CSMD1: variants seen among roughly 807,000 people sequenced by gnomAD.
CSMD1 encodes CUB and sushi domain-containing protein 1.
CSMD1 carries 213 observed loss-of-function variants against 417.5 expected under a neutral mutation model. That is an observed-to-expected ratio of 0.51 (90% CI 0.46 to 0.57). The LOEUF (loss-of-function observed/expected upper bound fraction) is 0.57, where lower values mean the gene tolerates loss of function less well. Ranked by LOEUF, CSMD1 falls within the 20% of genes least tolerant of loss-of-function variation. The probability of loss-of-function intolerance (pLI) is 0.00; values close to 1 mark genes in which losing one functional copy is unlikely to be tolerated. For synonymous variants in CSMD1, 2,862 were observed against 1,736.8 expected (o/e 1.65, Z -16.11); for missense variants, 6,923 against 4,529.7 (o/e 1.53, Z -15.17).
chr8:3,621,285 T>G (rs539145251), intron 7 of CSMD1, among the ~76,000 whole-genome samples: 1 of 152,004 alleles, frequency 6.6e-6, no homozygotes, highest in African/African-American at 2.4e-5. Context: ...GCAGGAGGCG[T>G]TGAATAGTAA....
At chr8:4,453,996 T>C (rs1799319533) in intron 2 of CSMD1, among the ~76,000 whole-genome samples, 1 of 151,650 alleles carries the variant, frequency 6.6e-6, no homozygotes, top group South Asian at 2.1e-4. Context: ...TAATTTTTTG[T>C]ATTTTTTAGT....
At chr8:4,134,650 T>C (rs1255674830) in intron 3 of CSMD1, among the ~76,000 whole-genome samples, 2 of 152,204 alleles carry the variant, frequency 1.3e-5, no homozygotes, top group African/African-American at 4.8e-5. Context: ...CTTTAAAATA[T>C]ATCTAGAATC....
rs183413781 is a variant in CSMD1, at chr8:4,588,734, G to A, written c.302+48608C>T. ...CGGGAGGCAGAGGTTGCAGTAAGCC[G>A]AGATTGCACCACTGCACTCCAGCCT... is the stretch of plus-strand genomic sequence containing the variant. On this transcript the variant is annotated intron_variant, in intron 2 of 69. Transcript: ENST00000635120. Among the ~76,000 whole-genome samples, 106 of 151,546 alleles carry A rather than the reference G, an allele frequency of 7.0e-4. No homozygotes were observed. In the East Asian group the frequency reaches 0.019, roughly 27 times the overall value.
At chr8:2,982,587 T>TGTA (rs1805518054) in intron 54 of CSMD1, among the ~76,000 whole-genome samples, 1 of 152,170 alleles carries the variant, frequency 6.6e-6, no homozygotes, top group South Asian at 2.1e-4. Context: ...GGGATCACTG[T>TGTA]TCCCGTGGCA....
Position 3,096,879 on chromosome 8 carries a change from T to C in CSMD1, c.7108A>G (p.Lys2370Glu). Reference sequence around the variant, plus strand: ...AACACTTCCAGTGCATCAAACTGCTTTTCACTTTGAAATGTGTCCACAAAG... The same window carrying C: ...AACACTTCCAGTGCATCAAACTGCTCTTCACTTTGAAATGTGTCCACAAAG... ...TIFVDTFQSE[K>E]QFDALEVFDG... Residue 2370 changes from lysine (K) to glutamate (E), a missense_variant, in exon 47 of 70, where the codon AAG becomes GAG. Physicochemically the swap from Lys to Glu is moderately conservative, Grantham distance 56. Transcript: ENST00000635120. The C allele has an allele frequency of 6.4e-7, 1 of 1,556,824 alleles. No individual in the cohort carries two copies. The highest frequency in any genetic ancestry group is 8.7e-7 in the Non-Finnish European group (1 of 1,149,064).
In CSMD1 at chr8:4,913,645, G is replaced by A. The variant is rs148624340; in HGVS notation, c.85+80687C>T. Among the ~76,000 whole-genome samples, 931 of 152,274 alleles carry A rather than the reference G, an allele frequency of 6.1e-3. 7 individuals are homozygous for A. The highest frequency in any genetic ancestry group is 0.021 in the African/African-American group (877 of 41,548). ...TTGCTGGACCAAGACTGAGTTCTGC[G>A]TCAACCAGATGTACTGTGCAGATTA... On this transcript the variant is annotated intron_variant, in intron 1 of 69. Transcript: ENST00000635120.
At chr8:3,261,044 C>T (rs954071814) in intron 26 of CSMD1, among the ~76,000 whole-genome samples, 1 of 152,110 alleles carries the variant, frequency 6.6e-6, no homozygotes, top group Non-Finnish European at 1.5e-5. Context: ...AGAGGAAACA[C>T]AGGTGAGAAC....
At chr8:4,191,814 C>T (rs897255711) in intron 3 of CSMD1, among the ~76,000 whole-genome samples, 2 of 150,860 alleles carry the variant, frequency 1.3e-5, no homozygotes, top group South Asian at 2.1e-4. Context: ...CATCTCCTAT[C>T]GAATGATTTA....
chr8:4,294,095 T>A (rs957306371), intron 3 of CSMD1, among the ~76,000 whole-genome samples: 5 of 152,152 alleles, frequency 3.3e-5, no homozygotes, highest in Non-Finnish European at 7.3e-5. Context: ...AGTTCTATAT[T>A]CCTGTCACTG....
chr8:3,765,624 G>C lies in CSMD1; in HGVS notation c.819-11582C>G, dbSNP rs142588014. On this transcript the variant is annotated intron_variant, in intron 5 of 69. Coordinates refer to ENST00000635120, the MANE Select transcript of CSMD1 (RefSeq NM_033225.6). ...TTTTGCTCCTAATGTAAGTTATTAA[G>C]AGAAGTGAACCCTAAGATGATAAAG... Among the ~76,000 whole-genome samples the C allele has an allele frequency of 2.9e-3, 443 of 152,316 alleles. 1 individual carries two copies. Among genetic ancestry groups the C allele is most frequent in the African/African-American group, 0.01 (419 of 41,570 alleles).
intron 52 of CSMD1, among the ~76,000 whole-genome samples, chr8:3,012,110 T>C (rs560385247): frequency 1.3e-5 from 2 of 152,144 alleles, no homozygotes; most frequent in Non-Finnish European, 2.9e-5. Flanking sequence ...GGAGTGATCG[T>C]GTTGATGAAG....
At chr8:3,309,333 A>C (rs1563256457) in intron 23 of CSMD1, among the ~76,000 whole-genome samples, 3 of 136,308 alleles carry the variant, frequency 2.2e-5, no homozygotes, top group Non-Finnish European at 3.3e-5. Context: ...AGAAAAAAAA[A>C]CTGGCGCTCC....
At chr8:4,348,653 G>A (rs1050235007) in intron 3 of CSMD1, among the ~76,000 whole-genome samples, 10 of 149,126 alleles carry the variant, frequency 6.7e-5, no homozygotes, top group Non-Finnish European at 1.5e-5. Context: ...GAGGGGGAGA[G>A]AGAGAGAGAG....
intron 1 of CSMD1, among the ~76,000 whole-genome samples, chr8:4,766,260 A>G (rs1357720825): frequency 1.3e-5 from 2 of 152,164 alleles, no homozygotes; most frequent in African/African-American, 4.8e-5. Context: ...GTAGCAGAAT[A>G]TCCTGTCGTG....
At chr8:3,417,956 C>T (rs1287300396) in intron 12 of CSMD1, among the ~76,000 whole-genome samples, 1 of 152,176 alleles carries the variant, frequency 6.6e-6, no homozygotes, top group African/African-American at 2.4e-5. Flanking sequence ...TCCCATGACT[C>T]TCTCCTTGTC....
chr8:4,072,910 A>G (rs79445352), intron 3 of CSMD1, among the ~76,000 whole-genome samples: 12,118 of 152,230 alleles, frequency 0.08, 713 homozygotes, highest in East Asian at 0.28. Context: ...AATCAACACA[A>G]CCTTGGATAT....
chr8:4,554,430 C>T (rs926830852), intron 2 of CSMD1, among the ~76,000 whole-genome samples: 7 of 152,276 alleles, frequency 4.6e-5, no homozygotes, highest in East Asian at 1.9e-4. Flanking sequence ...AACAGGCCAC[C>T]GCGCCCAGAC....
chr8:4,751,728 G>T (rs1344585357), intron 1 of CSMD1, among the ~76,000 whole-genome samples: 1 of 152,108 alleles, frequency 6.6e-6, no homozygotes, highest in Admixed American at 6.5e-5. Context: ...TTCCCTGTCA[G>T]TCTGCTGTGG....
intron 3 of CSMD1, among the ~76,000 whole-genome samples, chr8:4,234,064 C>T (rs1393513626): frequency 6.6e-6 from 1 of 152,086 alleles, no homozygotes; most frequent in Admixed American, 6.5e-5. Context: ...ATAAGTCAAC[C>T]ATTAACCCCT....
Sources: allele counts gnomAD v4.1 joint callset (sites outside exome capture counted in the v4.1 genomes callset), GRCh38; gene constraint gnomAD v4.1.1; transcripts MANE v1.5; gene names NCBI Gene and HGNC (gene_info 2026-07-23, HGNC 2026-07-21).